The following OSBPL8 variants were observed in gnomAD, a reference collection of about 807,000 sequenced individuals.
OSBPL8 encodes oxysterol binding protein like 8.
A neutral mutation model predicts 125.5 loss-of-function variants in OSBPL8; 59 were observed. The ratio of observed to expected loss-of-function variants is 0.47; its 90% CI spans 0.38 to 0.58. The LOEUF (loss-of-function observed/expected upper bound fraction) is 0.58, where lower values mean the gene tolerates loss of function less well. Among genes scored for constraint, OSBPL8 ranks in the 20% least tolerant of loss-of-function variants. The probability of loss-of-function intolerance (pLI) is 0.00; values close to 1 mark genes in which losing one functional copy is unlikely to be tolerated. For synonymous variants in OSBPL8, 330 were observed against 338.9 expected (o/e 0.97, Z 0.29); for missense variants, 758 against 1,047.8 (o/e 0.72, Z 3.82).
intron 4 of OSBPL8, among the ~76,000 whole-genome samples, chr12:76,445,345 A>G (rs1872620913): frequency 1.3e-5 from 2 of 152,308 alleles, no homozygotes; most frequent in South Asian, 4.1e-4. Flanking sequence ...TTTAATAGGA[A>G]AAAAGTTTGA....
intron 1 of OSBPL8, among the ~76,000 whole-genome samples, chr12:76,515,726 T>C (rs1465547698): frequency 1.3e-5 from 2 of 152,118 alleles, no homozygotes; most frequent in African/African-American, 4.8e-5. Flanking sequence ...GTGTCGCTTC[T>C]GGGTGGGCCT....
chr12:76,479,154 C>G (rs1463432209), intron 2 of OSBPL8, among the ~76,000 whole-genome samples: 1 of 152,026 alleles, frequency 6.6e-6, no homozygotes, highest in African/African-American at 2.4e-5. Flanking sequence ...TGGCAAAAGA[C>G]AAAATACCTA....
intron 1 of OSBPL8, among the ~76,000 whole-genome samples, chr12:76,499,354 T>TATC (rs376237794): frequency 1.1e-4 from 13 of 121,554 alleles, no homozygotes; most frequent in South Asian, 2.5e-4. Context: ...ATCTATCATC[T>TATC]ATCTATCTAT....
Position 76,507,822 on chromosome 12 carries a change from T to C in OSBPL8, c.-67-20204A>G, listed in dbSNP as rs541315649. On this transcript the variant is annotated intron_variant, in intron 1 of 23. Transcript: ENST00000261183. ...CTGGGCAACAGAGCAAGACTCAATC[T>C]CAAAAAAGGCAAAAATGCTGAGCCA... is the stretch of plus-strand genomic sequence containing the variant. 4.5e-4 allele frequency among the ~76,000 whole-genome samples: 68 copies of C among 150,108 alleles called. 2 individuals carry two copies. The highest frequency in any genetic ancestry group is 1.7e-3 in the African/African-American group (67 of 40,346).
At chr12:76,460,979 A>G (rs1466218677) in intron 2 of OSBPL8, among the ~76,000 whole-genome samples, 1 of 152,204 alleles carries the variant, frequency 6.6e-6, no homozygotes, top group Non-Finnish European at 1.5e-5. Context: ...TCCCTAAGTG[A>G]TGGCTTTTTA....
chr12:76,415,516 G>A (rs1037765808), intron 4 of OSBPL8, among the ~76,000 whole-genome samples: 1 of 152,164 alleles, frequency 6.6e-6, no homozygotes, highest in Admixed American at 6.5e-5. Context: ...CTAAAGTCCT[G>A]AGATTACTGG....
Position 76,504,185 on chromosome 12 carries a change from C to A in OSBPL8, c.-67-16567G>T, listed in dbSNP as rs190659505. Among the ~76,000 whole-genome samples, 18 of 151,910 alleles carry A rather than the reference C, an allele frequency of 1.2e-4. No homozygotes were observed. In the East Asian group the frequency reaches 3.1e-3, roughly 26 times the overall value. On this transcript the variant is annotated intron_variant, in intron 1 of 23. Coordinates refer to ENST00000261183, the MANE Select transcript of OSBPL8 (RefSeq NM_020841.5). ...CATCAGCAATTTGGTGGGTTTCCAGCCTGTTGACCTACCCTGCAAATTTCA... is the reference window on the plus strand; with the variant it reads ...CATCAGCAATTTGGTGGGTTTCCAGACTGTTGACCTACCCTGCAAATTTCA...
At position 76,369,670 on chromosome 12, in the gene OSBPL8, G is replaced by A. The variant is rs1952547553; in HGVS notation, c.2207C>T (p.Pro736Leu). 1.9e-6 allele frequency: 3 copies of A among 1,613,514 alleles called. No homozygotes were observed. Among genetic ancestry groups the A allele is most frequent in the Admixed American group, 1.7e-5 (1 of 59,924 alleles). The change falls in exon 20 of 24, where the codon CCA becomes CTA. Residue 736 changes from proline (P) to leucine (L), a missense_variant. Physicochemically the swap from Pro to Leu is moderately conservative, Grantham distance 98 (BLOSUM62 -3). Transcript: ENST00000261183. ...CTTGTAATGCCATTCTCCTGTGAGT[G>A]GATCAAGTTCAAATAATTTGCAAGA... is the stretch of plus-strand genomic sequence containing the variant. Reference protein sequence around the residue: ...EWSCKLFELDPLTGEWHYKFA... With the variant: ...EWSCKLFELDLLTGEWHYKFA...
At chr12:76,484,890 CAAGAA>C (rs1187048301) in intron 2 of OSBPL8, among the ~76,000 whole-genome samples, 1 of 152,054 alleles carries the variant, frequency 6.6e-6, no homozygotes, top group Non-Finnish European at 1.5e-5. Flanking sequence ...ACCTAATGAA[CAAGAA>C]AAGAAAAACT....
At chr12:76,450,177 G>A (rs560877749) in intron 4 of OSBPL8, among the ~76,000 whole-genome samples, 2 of 152,134 alleles carry the variant, frequency 1.3e-5, no homozygotes, top group Non-Finnish European at 2.9e-5. Flanking sequence ...AACATTTCTG[G>A]TTGTCACAAC....
intron 6 of OSBPL8, 129 bp from the exon 7 acceptor site, chr12:76,400,103 T>C: frequency 1.5e-6 from 1 of 678,154 alleles, no homozygotes; most frequent in Non-Finnish European, 2.4e-6. Context: ...TGTACATATT[T>C]TATCATTCAG....
chr12:76,539,453 T>C (rs1205637334), intron 1 of OSBPL8, among the ~76,000 whole-genome samples: 1 of 151,934 alleles, frequency 6.6e-6, no homozygotes. Flanking sequence ...AAGAAGACTA[T>C]GGACAAAGAT....
chr12:76,537,540 C>T (rs566189015), intron 1 of OSBPL8, among the ~76,000 whole-genome samples: 17 of 152,166 alleles, frequency 1.1e-4, no homozygotes, highest in African/African-American at 4.1e-4. Context: ...ATAACTTGAG[C>T]AAATTAAGTT....
intron 1 of OSBPL8, among the ~76,000 whole-genome samples, chr12:76,546,410 C>T (rs1950784211): frequency 6.6e-6 from 1 of 152,082 alleles, no homozygotes; most frequent in African/African-American, 2.4e-5. Context: ...ATCATAAATT[C>T]TTGGGAAAAT....
chr12:76,532,647 G>A (rs1474629280), intron 1 of OSBPL8, among the ~76,000 whole-genome samples: 1 of 151,636 alleles, frequency 6.6e-6, no homozygotes, highest in African/African-American at 2.4e-5. Context: ...TCTTCTTTTG[G>A]GAAAGGAACA....
chr12:76,511,572 G>A lies in OSBPL8; in HGVS notation c.-67-23954C>T, dbSNP rs532635320. Among the ~76,000 whole-genome samples the A allele has an allele frequency of 3.3e-5, 5 of 152,148 alleles. No individual in the cohort carries two copies. In the South Asian group the frequency reaches 1.0e-3, roughly 32 times the overall value. ...TGTCTTTTGCTCACTTTTTAATAGG[G>A]TTGTTTTTCTCTTGTAAATTTATTT... On this transcript the variant is annotated intron_variant, in intron 1 of 23. Transcript: ENST00000261183.
intron 1 of OSBPL8, among the ~76,000 whole-genome samples, chr12:76,499,350 CATCT>C (rs1555231511): frequency 9.3e-6 from 1 of 107,480 alleles, no homozygotes; most frequent in Admixed American, 1.0e-4. Context: ...ATCTATCTAT[CATCT>C]ATCTATCTAT....
At chr12:76,456,920 G>C in intron 3 of OSBPL8, among the ~76,000 whole-genome samples, 1 of 152,118 alleles carries the variant, frequency 6.6e-6, no homozygotes, top group East Asian at 1.9e-4. Flanking sequence ...TCAATCTAGA[G>C]CTAAATATTA....
chr12:76,377,145 T>C (rs1187552072), intron 16 of OSBPL8, among the ~76,000 whole-genome samples: 1 of 152,240 alleles, frequency 6.6e-6, no homozygotes, highest in African/African-American at 2.4e-5. Flanking sequence ...ATGGTGTGTA[T>C]GTGCCACATT....
Sources: allele counts gnomAD v4.1 joint callset (sites outside exome capture counted in the v4.1 genomes callset), GRCh38; gene constraint gnomAD v4.1.1; transcripts MANE v1.5; gene names NCBI Gene and HGNC (gene_info 2026-07-23, HGNC 2026-07-21).